PCDHGA1: variants seen among roughly 807,000 people sequenced by gnomAD.
The protein encoded by PCDHGA1 is protocadherin gamma subfamily A, 1.
A neutral mutation model predicts 58.0 loss-of-function variants in PCDHGA1; 32 were observed. The ratio of observed to expected loss-of-function variants is 0.55; its 90% confidence interval spans 0.42 to 0.74. PCDHGA1 has a LOEUF of 0.74. Among genes scored for constraint, PCDHGA1 ranks in the 30% least tolerant of loss-of-function variants. The probability of loss-of-function intolerance (pLI) is 0.00; values close to 1 mark genes in which losing one functional copy is unlikely to be tolerated. For missense variants in PCDHGA1, 1,205 were observed against 1,182.3 expected (o/e 1.02, Z -0.28); for synonymous variants, 498 against 501.1 (o/e 0.99, Z 0.08).
At chr5:141,409,707 C>T in intron 1 of PCDHGA1, 1 of 1,613,248 alleles carries the variant, frequency 6.2e-7, no homozygotes, top group Non-Finnish European at 8.5e-7. Flanking sequence ...CTGGCGGTGT[C>T]GTCATACGTG....
intron 3 of PCDHGA1, among the ~76,000 whole-genome samples, chr5:141,506,866 T>C (rs1182560001): frequency 2.6e-5 from 4 of 152,104 alleles, no homozygotes; most frequent in Admixed American, 2.6e-4. Context: ...GACTGGTGGG[T>C]AGAGAACCAG....
At chr5:141,433,767 G>A (rs1237334342) in intron 1 of PCDHGA1, among the ~76,000 whole-genome samples, 1 of 151,532 alleles carries the variant, frequency 6.6e-6, no homozygotes, top group East Asian at 1.9e-4. Flanking sequence ...AACCTGGGAG[G>A]TGGAGGTTGC....
At chr5:141,483,329 A>C (rs1463046335) in intron 1 of PCDHGA1, among the ~76,000 whole-genome samples, 3 of 152,182 alleles carry the variant, frequency 2.0e-5, no homozygotes, top group Non-Finnish European at 2.9e-5. Flanking sequence ...GGAGGCAAAG[A>C]GATCTTATCT....
chr5:141,505,546 C>T (rs555460173), intron 3 of PCDHGA1, 65 bp downstream of exon 3: 36 of 1,608,242 alleles, frequency 2.2e-5, no homozygotes, highest in South Asian at 7.7e-5. Context: ...CATCTCACAG[C>T]CACCATGCCC....
chr5:141,496,499 G>A (rs1417059875), intron 2 of PCDHGA1, among the ~76,000 whole-genome samples: 1 of 152,102 alleles, frequency 6.6e-6, no homozygotes, highest in Non-Finnish European at 1.5e-5. Context: ...AACCCTTGTT[G>A]CCACAAGGAC....
chr5:141,494,675 C>A, intron 1 of PCDHGA1, 132 bp from the exon 2 acceptor site: 2 of 1,548,574 alleles, frequency 1.3e-6, no homozygotes, highest in South Asian at 1.2e-5. Flanking sequence ...TGAGTCCACC[C>A]CTGCCCCCTC....
At chr5:141,337,816 T>A (rs1430791946) in intron 1 of PCDHGA1, among the ~76,000 whole-genome samples, 1 of 152,200 alleles carries the variant, frequency 6.6e-6, no homozygotes, top group Non-Finnish European at 1.5e-5. Flanking sequence ...CTGCATTGTA[T>A]TTTACACCCT....
At chr5:141,436,208 A>G (rs1287696925) in intron 1 of PCDHGA1, among the ~76,000 whole-genome samples, 1 of 152,152 alleles carries the variant, frequency 6.6e-6, no homozygotes, top group Non-Finnish European at 1.5e-5. Context: ...CATAATAGGA[A>G]AACAAATGAC....
At position 141,490,649 on chromosome 5, in the gene PCDHGA1, G is replaced by C. The variant is rs1428223995; in HGVS notation, c.2422-4158G>C. 1 of 1,614,148 alleles carries C rather than the reference G, an allele frequency of 6.2e-7. No homozygotes were observed. Among genetic ancestry groups the C allele is most frequent in the Admixed American group, 1.7e-5 (1 of 60,018 alleles). On this transcript the variant is annotated intron_variant, in intron 1 of 3. Coordinates refer to ENST00000517417, the MANE Select transcript of PCDHGA1 (RefSeq NM_018912.3). The surrounding 1 kb of genome is among the most constrained non-coding windows in gnomAD (Gnocchi z 5.4). ...TACATCCTAGAAAACCGGCCTCCGG[G>C]CTCCCTTCTTTGCACTGTGGCTGCC...
chr5:141,372,523 CA>C, intron 1 of PCDHGA1: 10 of 1,614,018 alleles, frequency 6.2e-6, no homozygotes, highest in Non-Finnish European at 8.5e-6. Flanking sequence ...GTGATTCTGG[CA>C]ATCTCCCTGC....
At chr5:141,344,389 T>C in intron 1 of PCDHGA1, 1 of 1,611,850 alleles carries the variant, frequency 6.2e-7, no homozygotes, top group Middle Eastern at 1.7e-4. Flanking sequence ...ATTTTTGAAG[T>C]AGAAATAGAA....
intron 1 of PCDHGA1, chr5:141,373,858 G>A: frequency 2.2e-6 from 1 of 460,298 alleles, no homozygotes. Context: ...CGTCGCTGTT[G>A]ACCAACCTGG....
At chr5:141,399,627 C>A (rs751717107) in intron 1 of PCDHGA1, 19 of 1,613,788 alleles carry the variant, frequency 1.2e-5, no homozygotes, top group Non-Finnish European at 1.6e-5. Flanking sequence ...TGGCCTCTTA[C>A]GTGTCCATGA....
At chr5:141,403,143 T>A in intron 1 of PCDHGA1, 1 of 1,613,850 alleles carries the variant, frequency 6.2e-7, no homozygotes, top group Non-Finnish European at 8.5e-7. Flanking sequence ...GAGCGCCGAG[T>A]CCGCATCGTC....
rs776543767 is a variant in PCDHGA1 at position 141,432,028 on chromosome 5, C to G, written c.2422-62779C>G. The G allele has an allele frequency of 6.2e-7, 1 of 1,614,168 alleles. No homozygotes were observed. The highest frequency in any genetic ancestry group is 2.2e-5 in the East Asian group (1 of 44,882). On this transcript the variant is annotated intron_variant, in intron 1 of 3. Transcript: ENST00000517417. This position sits in a 1 kb window ranked among gnomAD's most constrained non-coding sequence, Gnocchi z 6.0. ...TTCCTAGCTACAACATCACAGTGAC[C>G]GCCACTGACCGGGGAACCCCGCCCC...
intron 1 of PCDHGA1, chr5:141,427,942 T>C (rs1561832592): frequency 6.3e-7 from 1 of 1,586,106 alleles, no homozygotes; most frequent in Non-Finnish European, 8.6e-7. Context: ...GTGGGCGACC[T>C]CAATGACAAT....
intron 1 of PCDHGA1, chr5:141,370,191 T>C: frequency 1.9e-6 from 1 of 522,822 alleles, no homozygotes; most frequent in Non-Finnish European, 3.3e-6. Context: ...TCTTGGCTAG[T>C]GCTGTGCAAA....
chr5:141,407,732 A>G (rs1294403186), intron 1 of PCDHGA1, among the ~76,000 whole-genome samples: 3 of 152,242 alleles, frequency 2.0e-5, no homozygotes, highest in Non-Finnish European at 4.4e-5. Flanking sequence ...AAGGTTCACT[A>G]TATATACTCC....
intron 1 of PCDHGA1, among the ~76,000 whole-genome samples, chr5:141,466,246 A>G (rs1357175003): frequency 6.6e-6 from 1 of 152,100 alleles, no homozygotes; most frequent in Non-Finnish European, 1.5e-5. Flanking sequence ...TCATGGCTCA[A>G]TGCAGCCTTG....
Sources: allele counts gnomAD v4.1 joint callset (sites outside exome capture counted in the v4.1 genomes callset), GRCh38; gene constraint gnomAD v4.1.1; non-coding constraint Gnocchi (gnomAD v3.1); transcripts MANE v1.5; gene names NCBI Gene and HGNC (gene_info 2026-07-23, HGNC 2026-07-21).